The following TOLLIP variants were observed in gnomAD, a reference collection of about 807,000 sequenced individuals.
The protein encoded by TOLLIP is toll interacting protein.
A neutral mutation model predicts 33.5 loss-of-function variants in TOLLIP; 16 were observed. That is an observed-to-expected ratio of 0.48 (90% confidence interval 0.32 to 0.72). The LOEUF is 0.72. Ranked by LOEUF, TOLLIP falls within the 30% of genes least tolerant of loss-of-function variation. The probability of loss-of-function intolerance (pLI) is 0.03; values close to 1 mark genes in which losing one functional copy is unlikely to be tolerated. For synonymous variants in TOLLIP, 176 were observed against 163.7 expected, an observed-to-expected ratio of 1.07 and a Z score of -0.57; for missense variants, 325 against 396.6, an observed-to-expected ratio of 0.82 and a Z score of 1.53.
At chr11:1,287,389 G>A (rs1284302504) in intron 4 of TOLLIP, among the ~76,000 whole-genome samples, 1 of 129,098 alleles carries the variant, frequency 7.7e-6, no homozygotes, top group Non-Finnish European at 1.7e-5. Context: ...GCAGCTCCCT[G>A]CTGCTGCCTC....
Position 1,277,274 on chromosome 11 carries a change from T to C in TOLLIP, c.611-21A>G. On this transcript the variant is annotated intron_variant, in intron 5 of 5. Coordinates refer to ENST00000317204, the MANE Select transcript of TOLLIP (RefSeq NM_019009.4). This position sits in a 1 kb window ranked among gnomAD's most constrained non-coding sequence, Gnocchi z 4.2. ...CATCCCTGGAAGCAAAGATCAAGTT[T>C]GGTAAAAACGTCGGAAAGTTCCAGA... 1.3e-6 allele frequency: 2 copies of C among 1,519,046 alleles called. No individual in the cohort carries two copies. Among genetic ancestry groups the C allele is most frequent in the Non-Finnish European group, 1.8e-6 (2 of 1,130,440 alleles). 94.1% of individuals were successfully genotyped at this position (1,519,046 alleles called of 1,614,324 possible).
rs902935450 is a variant in TOLLIP at position 1,278,784 on chromosome 11, C to T, written c.611-1531G>A. Among the ~76,000 whole-genome samples, 2 of 152,252 alleles carry T rather than the reference C, an allele frequency of 1.3e-5. No homozygotes were observed. Among genetic ancestry groups the T allele is most frequent in the Non-Finnish European group, 2.9e-5 (2 of 68,050 alleles). On this transcript the variant is annotated intron_variant, in intron 5 of 5. Coordinates refer to ENST00000317204, the MANE Select transcript of TOLLIP (RefSeq NM_019009.4). This position sits in a 1 kb window ranked among gnomAD's most constrained non-coding sequence, Gnocchi z 4.7. ...GAACCGAACCATGGCCAGGTGGGGA[C>T]GTGGCCACCCTCACCACCCTTTCTT...
rs895810014 is a variant in TOLLIP at position 1,303,720 on chromosome 11, G to A, written c.33+5746C>T. ...CAGGGGCCTGTCGGGCAGGTCAAGG[G>A]ACAGTGTTAGAGGCCCAGATGAACA... is the stretch of plus-strand genomic sequence containing the variant. On this transcript the variant is annotated intron_variant, in intron 1 of 5. Coordinates refer to ENST00000317204, the MANE Select transcript of TOLLIP (RefSeq NM_019009.4). The surrounding 1 kb of genome is among the most constrained non-coding windows in gnomAD (Gnocchi z 4.2). Among the ~76,000 whole-genome samples the A allele has an allele frequency of 4.6e-5, 7 of 152,212 alleles. No homozygotes were observed. The highest frequency in any genetic ancestry group is 1.7e-4 in the African/African-American group (7 of 41,456).
At chr11:1,292,627 C>A (rs1863985234) in intron 2 of TOLLIP, among the ~76,000 whole-genome samples, 1 of 152,272 alleles carries the variant, frequency 6.6e-6, no homozygotes, top group South Asian at 2.1e-4. Context: ...TGACTGCACA[C>A]AACCACATGC....
chr11:1,286,871 T>C (rs534581752), intron 4 of TOLLIP, among the ~76,000 whole-genome samples: 1 of 151,332 alleles, frequency 6.6e-6, no homozygotes, highest in South Asian at 2.1e-4. Context: ...CCACTGCAGA[T>C]AAGTCACTGC....
intron 1 of TOLLIP, among the ~76,000 whole-genome samples, chr11:1,308,491 C>T (rs1864479404): frequency 6.6e-6 from 1 of 152,216 alleles, no homozygotes; most frequent in Non-Finnish European, 1.5e-5. Context: ...TACCCAGTCT[C>T]GGTATTCCTT....
Position 1,286,745 on chromosome 11 carries a change from T to C in TOLLIP, c.520-653A>G, listed in dbSNP as rs894372205. ...AGTCACTGCACTGCTGTCTCCTGAG[T>C]TCAAAACTGTCCACTGCGGATAAGT... On this transcript the variant is annotated intron_variant, in intron 4 of 5. Coordinates refer to ENST00000317204, the MANE Select transcript of TOLLIP (RefSeq NM_019009.4). 8.0e-5 allele frequency among the ~76,000 whole-genome samples: 12 copies of C among 150,194 alleles called. No individual in the cohort carries two copies. The South Asian group carries it at 1.7e-3, about 21-fold the overall frequency.
chr11:1,298,825 C>T (rs1475582247), intron 1 of TOLLIP, among the ~76,000 whole-genome samples: 1 of 152,222 alleles, frequency 6.6e-6, no homozygotes, highest in Non-Finnish European at 1.5e-5. Context: ...TCTGGGTTTT[C>T]TTCCCAAAAA....
chr11:1,288,321 C>T (rs1042778520), intron 4 of TOLLIP, among the ~76,000 whole-genome samples: 18 of 152,196 alleles, frequency 1.2e-4, no homozygotes, highest in African/African-American at 4.3e-4. Context: ...CTGTGGGGGT[C>T]CTCCGAGGAC....
At chr11:1,282,258 G>A (rs1377155879) in intron 5 of TOLLIP, among the ~76,000 whole-genome samples, 3 of 152,176 alleles carry the variant, frequency 2.0e-5, no homozygotes, top group African/African-American at 7.2e-5. Context: ...TCCCGCCTGA[G>A]GGGGCTCCCT....
chr11:1,289,992 G>A (rs1863881874), intron 3 of TOLLIP: 1 of 544,562 alleles, frequency 1.8e-6, no homozygotes, highest in Non-Finnish European at 3.3e-6. Context: ...GTATCCCTGG[G>A]TCATGCTTGT....
intron 1 of TOLLIP, among the ~76,000 whole-genome samples, chr11:1,309,199 GC>G (rs1226656515): frequency 6.6e-6 from 1 of 152,186 alleles, no homozygotes; most frequent in East Asian, 1.9e-4. Flanking sequence ...ACGGGCGCAG[GC>G]CCCCTCCCCC....
chr11:1,306,724 GA>G (rs1159299050), intron 1 of TOLLIP, among the ~76,000 whole-genome samples: 1 of 151,954 alleles, frequency 6.6e-6, no homozygotes, highest in Non-Finnish European at 1.5e-5. Context: ...ACACTTTACA[GA>G]GTGCTGCGCT....
intron 5 of TOLLIP, among the ~76,000 whole-genome samples, chr11:1,283,089 G>A (rs775579068): frequency 1.3e-5 from 2 of 152,236 alleles, no homozygotes; most frequent in Non-Finnish European, 2.9e-5. Context: ...GGAACAGCCA[G>A]GCAGAGCCCG....
rs148001930 is a variant in TOLLIP, at chr11:1,284,972, A to G, written c.610+1030T>C. Among the ~76,000 whole-genome samples, 334 of 152,268 alleles carry G rather than the reference A, an allele frequency of 2.2e-3. 5 individuals carry two copies. The highest frequency in any genetic ancestry group is 7.6e-3 in the African/African-American group (317 of 41,556). On this transcript the variant is annotated intron_variant, in intron 5 of 5. Transcript: ENST00000317204. The stretch of plus-strand genomic sequence containing the variant: ...CAAGGTGGCCTTTCTGCATCTGTGC[A>G]GGATGCTGGCAGGACTGGGGTGCTG...
chr11:1,279,387 G>A (rs1863418506), intron 5 of TOLLIP, among the ~76,000 whole-genome samples: 1 of 152,240 alleles, frequency 6.6e-6, no homozygotes, highest in Non-Finnish European at 1.5e-5. Context: ...ACCAAGCACG[G>A]ATGTGTCCAT....
intron 2 of TOLLIP, among the ~76,000 whole-genome samples, chr11:1,293,514 T>C (rs1400627733): frequency 6.6e-6 from 1 of 152,198 alleles, no homozygotes; most frequent in East Asian, 1.9e-4. Flanking sequence ...ACCACCTGTG[T>C]GGCCGCCCAG....
At position 1,275,126 on chromosome 11, in the gene TOLLIP, G is replaced by A. The variant is rs1356882337; in HGVS notation, c.*1913C>T. Reference sequence around the variant, plus strand: ...TCGGCAAAGGGTTGCTCTCCCTCCAGCGAGGCTGGCCCCCACTGTGTGGGT... The same window carrying A: ...TCGGCAAAGGGTTGCTCTCCCTCCAACGAGGCTGGCCCCCACTGTGTGGGT... On this transcript the variant is annotated 3_prime_UTR_variant, in exon 6 of 6. Coordinates refer to ENST00000317204, the MANE Select transcript of TOLLIP (RefSeq NM_019009.4). 6.6e-6 allele frequency: 1 copy of A among 152,224 alleles called. No homozygotes were observed. The highest frequency in any genetic ancestry group is 1.5e-5 in the Non-Finnish European group (1 of 68,036). The allele number at this position is 152,224 out of a possible 1,614,324, so 9.4% of individuals were successfully genotyped here.
rs372163559 is a variant in TOLLIP at position 1,290,340 on chromosome 11, C to A, written c.253G>T (p.Val85Leu). ...PYCRLRLGYA[V>L]YETPTAHNGA... ...TTGTGTGCCGTGGGCGTCTCGTACA[C>A]CGCGTAGCCCAGGCGCAGTCGGCAG... Residue 85 changes from valine to leucine, a missense_variant, in exon 3 of 6, where the codon GTG becomes TTG. Physicochemically the swap from Val to Leu is conservative, Grantham distance 32. Coordinates refer to ENST00000317204, the MANE Select transcript of TOLLIP (RefSeq NM_019009.4). This position sits in a 1 kb window ranked among gnomAD's most constrained non-coding sequence, Gnocchi z 4.9. The A allele has an allele frequency of 6.2e-7, 1 of 1,613,592 alleles. No individual in the cohort carries two copies. Among genetic ancestry groups the A allele is most frequent in the Non-Finnish European group, 8.5e-7 (1 of 1,179,980 alleles).
Sources: gnomAD v4.1 joint callset for allele counts (sites outside exome capture counted in the v4.1 genomes callset) on GRCh38, gnomAD v4.1.1 for gene constraint, Gnocchi (gnomAD v3.1) non-coding constraint, MANE v1.5 for transcripts, NCBI Gene and HGNC (gene_info 2026-07-23, HGNC 2026-07-21) for gene names.